USP35: variants seen among roughly 807,000 people sequenced by gnomAD.
USP35 encodes the protein ubiquitin carboxyl-terminal hydrolase 35.
In USP35, 69 loss-of-function variants were observed where a neutral mutation model predicts 83.8. The observed-to-expected ratio is 0.82, with a 90% confidence interval of 0.68 to 1.01. The LOEUF (loss-of-function observed/expected upper bound fraction) is 1.01. Ranked by LOEUF, USP35 falls within the 50% of genes least tolerant of loss-of-function variation. The probability of loss-of-function intolerance (pLI) is 0.00; values close to 1 mark genes in which losing one functional copy is unlikely to be tolerated. For synonymous variants in USP35, 714 were observed against 589.5 expected, an observed-to-expected ratio of 1.21 and a Z score of -3.06; for missense variants, 1,503 against 1,362.5, an observed-to-expected ratio of 1.10 and a Z score of -1.62.
chr11:78,196,519 G>A lies in USP35; in HGVS notation c.274G>A (p.Gly92Ser). Reference sequence around the variant, plus strand: ...TCGCGTGCTGCGCCTGCTGCAGGGTGGCGCCGGCCCCCCGGGCCCCCGCGC... The same window carrying A: ...TCGCGTGCTGCGCCTGCTGCAGGGTAGCGCCGGCCCCCCGGGCCCCCGCGC... ...ARRVLRLLQG[G>S]AGPPGPRALA... Residue 92 changes from glycine (G) to serine (S), a missense_variant, in exon 2 of 11, where the codon GGC becomes AGC. Physicochemically the swap from Gly to Ser is moderately conservative, Grantham distance 56 (BLOSUM62 0). Transcript: ENST00000529308. This position sits in a 1 kb window ranked among gnomAD's most constrained non-coding sequence, Gnocchi z 4.8. The A allele has an allele frequency of 2.4e-6, 3 of 1,225,036 alleles. No homozygotes were observed. The South Asian group carries it at 6.8e-5, about 28-fold the overall frequency. The allele number at this position is 1,225,036 out of a possible 1,614,324, so 75.9% of individuals were successfully genotyped here.
At chr11:78,237,035 T>C in the USP35 span, among the ~76,000 whole-genome samples, 1 of 152,216 alleles carries the variant, frequency 6.6e-6, no homozygotes, top group Non-Finnish European at 1.5e-5. Flanking sequence ...CAGATTTTGA[T>C]AGTAGGGTTA....
At chr11:78,234,255 G>C in the USP35 span, among the ~76,000 whole-genome samples, 2 of 152,064 alleles carry the variant, frequency 1.3e-5, no homozygotes, top group Middle Eastern at 3.2e-3. Context: ...GCTACTTTTT[G>C]TATTTTCTGT....
At chr11:78,205,307 A>G (rs1863496983) in intron 6 of USP35, among the ~76,000 whole-genome samples, 1 of 152,256 alleles carries the variant, frequency 6.6e-6, no homozygotes, top group Non-Finnish European at 1.5e-5. Flanking sequence ...ACATGGGCAC[A>G]TCATTGTGTG....
At chr11:78,235,711 C>G in the USP35 span, among the ~76,000 whole-genome samples, 1 of 152,170 alleles carries the variant, frequency 6.6e-6, no homozygotes, top group Non-Finnish European at 1.5e-5. Context: ...CCAACAAGTT[C>G]CTCATCTCCA....
intron 10 of USP35, among the ~76,000 whole-genome samples, chr11:78,211,871 A>T (rs776725606): frequency 6.6e-6 from 1 of 151,764 alleles, no homozygotes; most frequent in African/African-American, 2.4e-5. Context: ...GTTTGCAAAA[A>T]TTTTTTTTCA....
downstream of USP35, among the ~76,000 whole-genome samples, chr11:78,219,619 C>G (rs1014154066): frequency 6.6e-6 from 1 of 152,170 alleles, no homozygotes; most frequent in Non-Finnish European, 1.5e-5. Context: ...ATCCCTCCTG[C>G]AGGATGTAGC....
rs1451934946 is a variant in USP35, at chr11:78,210,401, G to A, written c.2546G>A (p.Ser849Asn). The change falls in exon 10 of 11, where the codon AGT (serine) becomes AAT (asparagine). Residue 849 changes from serine (S) to asparagine (N), a missense_variant. Coordinates refer to ENST00000529308, the MANE Select transcript of USP35 (RefSeq NM_020798.4). ...CGTGGCCAGGCCTATGACCTCTGCA[G>A]TGTGGTGGTGCACTCTGGAGTGTCT... ...GGRGQAYDLC[S>N]VVVHSGVSSE... is the part of the protein sequence containing the mutation. 4 of 1,613,852 alleles carry A rather than the reference G, an allele frequency of 2.5e-6. No homozygotes were observed. The highest frequency in any genetic ancestry group is 3.3e-5 in the Admixed American group (2 of 60,018).
chr11:78,224,613 G>A, the USP35 span, among the ~76,000 whole-genome samples: 3 of 152,102 alleles, frequency 2.0e-5, no homozygotes, highest in Non-Finnish European at 4.4e-5. Flanking sequence ...TTTTCAGTGG[G>A]CCTGAAGCCA....
At chr11:78,230,805 A>G in the USP35 span, among the ~76,000 whole-genome samples, 1 of 152,252 alleles carries the variant, frequency 6.6e-6, no homozygotes, top group Non-Finnish European at 1.5e-5. Flanking sequence ...TGCGCAAACC[A>G]TGCTAAAATG....
chr11:78,200,715 C>T lies in USP35; in HGVS notation c.1104C>T (p.Ser368=). Reference sequence around the variant, plus strand: ...AGGAGGACTCGAACTCGGGGACCAGCTGCCTGGAGCAGCTGGCGGAGCTGG... The same window carrying T: ...AGGAGGACTCGAACTCGGGGACCAGTTGCCTGGAGCAGCTGGCGGAGCTGG... ...LVKEDSNSGT[S]CLEQLAELVH... The change falls in exon 6 of 11, where the codon AGC becomes AGT. Residue 368 remains serine (S), a synonymous_variant. Transcript: ENST00000529308. 1 of 1,614,176 alleles carries T rather than the reference C, an allele frequency of 6.2e-7. No individual in the cohort carries two copies. The highest frequency in any genetic ancestry group is 8.5e-7 in the Non-Finnish European group (1 of 1,179,998).
chr11:78,209,934 G>C lies in USP35; in HGVS notation c.2079G>C (p.Val693=), dbSNP rs548301072. ...GKEERTEKEE[V]GEEEESTRGE... is the part of the protein sequence containing the mutation. ...AGGAGAGAACGGAGAAGGAAGAAGT[G>C]GGGGAGGAGGAGGAAAGCACCAGAG... The change falls in exon 10 of 11, where the codon GTG becomes GTC. Residue 693 remains valine, a synonymous_variant. Transcript: ENST00000529308. 6.2e-6 allele frequency: 10 copies of C among 1,605,330 alleles called. No homozygotes were observed. In the Admixed American group the frequency reaches 1.0e-4, roughly 17 times the overall value.
chr11:78,232,651 T>C, the USP35 span, among the ~76,000 whole-genome samples: 1 of 152,230 alleles, frequency 6.6e-6, no homozygotes, highest in African/African-American at 2.4e-5. Flanking sequence ...TAGTGGCTAT[T>C]ATTGCAGTAA....
intron 1 of USP35, among the ~76,000 whole-genome samples, chr11:78,192,572 G>C (rs754900967): frequency 6.6e-6 from 1 of 152,212 alleles, no homozygotes; most frequent in Non-Finnish European, 1.5e-5. Context: ...GACTGCCTGC[G>C]TGGGAGTTGG....
At chr11:78,224,855 C>T in the USP35 span, among the ~76,000 whole-genome samples, 1 of 152,088 alleles carries the variant, frequency 6.6e-6, no homozygotes, top group Admixed American at 6.5e-5. Context: ...ATTCTAGATC[C>T]TCTGCTTACC....
At chr11:78,212,023 T>C (rs1209349685) in intron 10 of USP35, among the ~76,000 whole-genome samples, 2 of 152,244 alleles carry the variant, frequency 1.3e-5, no homozygotes, top group African/African-American at 2.4e-5. Flanking sequence ...CCTATGCCTA[T>C]GTCCTGAATG....
rs1275222810 is a variant in USP35, at chr11:78,214,234, A to AGAGAGGCGGGGGG, written c.*422_*423insAGAGGCGGGGGGG. ...ACAGCAGGATCCAAGCCTTGCACAAAGGGGTGGGGGGGGCAGTGTCTCCTC... is the reference window on the plus strand; with the variant it reads ...ACAGCAGGATCCAAGCCTTGCACAAAGAGAGGCGGGGGGGGGGTGGGGGGGGCAGTGTCTCCTC... On this transcript the variant is annotated 3_prime_UTR_variant, in exon 11 of 11. Transcript: ENST00000529308. 6.2e-5 allele frequency: 6 copies of AGAGAGGCGGGGGG among 96,198 alleles called. No individual in the cohort carries two copies. The highest frequency in any genetic ancestry group is 3.1e-4 in the African/African-American group (6 of 19,652). 6.0% of individuals were successfully genotyped at this position (96,198 alleles called of 1,614,324 possible).
chr11:78,229,692 C>T, the USP35 span, among the ~76,000 whole-genome samples: 1 of 152,210 alleles, frequency 6.6e-6, no homozygotes, highest in Non-Finnish European at 1.5e-5. Context: ...TAAGCCCAAA[C>T]TCCTAGGTTT....
chr11:78,213,935 C>T lies in USP35; in HGVS notation c.*122C>T, dbSNP rs931234086. The T allele has an allele frequency of 5.4e-6, 6 of 1,115,724 alleles. No individual in the cohort carries two copies. The highest frequency in any genetic ancestry group is 7.3e-6 in the Non-Finnish European group (6 of 817,468). The allele number at this position is 1,115,724 out of a possible 1,614,324, so 69.1% of individuals were successfully genotyped here. A position where few individuals can be genotyped will look rare whatever the true frequency, so the allele number is the denominator to read the frequency against. On this transcript the variant is annotated 3_prime_UTR_variant, in exon 11 of 11. Transcript: ENST00000529308. Reference sequence around the variant, plus strand: ...CAGCTCATGGCACCTTAGTCCTCAGCCTGATGAAGGGTACACAGAGATTCT... The same window carrying T: ...CAGCTCATGGCACCTTAGTCCTCAGTCTGATGAAGGGTACACAGAGATTCT...
At chr11:78,221,314 G>C in the USP35 span, among the ~76,000 whole-genome samples, 1 of 152,202 alleles carries the variant, frequency 6.6e-6, no homozygotes, top group Non-Finnish European at 1.5e-5. Context: ...ACCAAAGTGA[G>C]TTATGTGCAC....
Sources: gnomAD v4.1 joint callset for allele counts (sites outside exome capture counted in the v4.1 genomes callset) on GRCh38, gnomAD v4.1.1 for gene constraint, Gnocchi (gnomAD v3.1) non-coding constraint, MANE v1.5 for transcripts, NCBI Gene and HGNC (gene_info 2026-07-23, HGNC 2026-07-21) for gene names.